Variants in IFT140 observed in about 807,000 individuals in gnomAD.
IFT140 encodes the protein intraflagellar transport protein 140 homolog.
IFT140 carries 133 observed loss-of-function variants against 164.6 expected under a neutral mutation model. That is an observed-to-expected ratio of 0.81 (90% CI 0.70 to 0.93). The LOEUF (loss-of-function observed/expected upper bound fraction) is 0.93. IFT140 is among the 40% of genes least tolerant of loss of function. The pLI, the probability that IFT140 is intolerant of heterozygous loss-of-function variation, is 0.00. For synonymous variants in IFT140, 860 were observed against 817.3 expected (o/e 1.05, Z -0.89); for missense variants, 2,045 against 1,972.3 (o/e 1.04, Z -0.70).
chr16:1,555,734 C>A (rs905380098), intron 19 of IFT140, among the ~76,000 whole-genome samples: 1 of 152,150 alleles, frequency 6.6e-6, no homozygotes, highest in African/African-American at 2.4e-5. Flanking sequence ...TCAACCAAGT[C>A]TCAGAAGCCC....
At chr16:1,540,354 A>G (rs2141278249) in intron 19 of IFT140, among the ~76,000 whole-genome samples, 1 of 152,278 alleles carries the variant, frequency 6.6e-6, no homozygotes, top group South Asian at 2.1e-4. Flanking sequence ...CCACGTAAAC[A>G]CTCACGAAGT....
At chr16:1,549,638 G>T (rs1278880410) in intron 19 of IFT140, among the ~76,000 whole-genome samples, 1 of 151,998 alleles carries the variant, frequency 6.6e-6, no homozygotes, top group African/African-American at 2.4e-5. Context: ...CCCCATGTTG[G>T]CCAGGCTGGT....
At chr16:1,537,956 G>A (rs1024850858) in intron 19 of IFT140, among the ~76,000 whole-genome samples, 2 of 152,188 alleles carry the variant, frequency 1.3e-5, no homozygotes, top group Non-Finnish European at 1.5e-5. Context: ...CCCCCTGCTC[G>A]GCCAGGACCC....
At chr16:1,597,239 G>C (rs1032752815) in intron 4 of IFT140, among the ~76,000 whole-genome samples, 2 of 152,182 alleles carry the variant, frequency 1.3e-5, no homozygotes, top group Non-Finnish European at 1.5e-5. Context: ...CGTCTAACGT[G>C]CTCTCCTCTT....
intron 2 of IFT140, among the ~76,000 whole-genome samples, chr16:1,609,451 C>T (rs1039562674): frequency 6.6e-6 from 1 of 152,186 alleles, no homozygotes; most frequent in East Asian, 1.9e-4. Flanking sequence ...TGCGCTTCTC[C>T]GTGGCTGCAT....
intron 22 of IFT140, 140 bp from the exon 23 acceptor site, chr16:1,525,056 G>T: frequency 7.5e-7 from 1 of 1,339,730 alleles, no homozygotes; most frequent in Non-Finnish European, 1.0e-6. Context: ...AGGACCCCTG[G>T]CTTTGTCCAA....
At chr16:1,539,868 G>A (rs778221008) in intron 19 of IFT140, among the ~76,000 whole-genome samples, 5 of 152,276 alleles carry the variant, frequency 3.3e-5, no homozygotes, top group African/African-American at 9.6e-5. Context: ...CGGGGACCCC[G>A]TGCCCCAGGG....
intron 13 of IFT140, among the ~76,000 whole-genome samples, chr16:1,578,610 G>T (rs2034394827): frequency 6.6e-6 from 1 of 151,850 alleles, no homozygotes; most frequent in African/African-American, 2.4e-5. Context: ...GGCCGGGCGT[G>T]GTGGCTCACG....
intron 8 of IFT140, 72 bp from the exon 9 acceptor site, chr16:1,587,376 C>T (rs961208133): frequency 3.2e-5 from 29 of 920,176 alleles, no homozygotes; most frequent in Admixed American, 5.6e-5. Flanking sequence ...GTTTTTGAAC[C>T]TGTGGAGCAA....
intron 14 of IFT140, among the ~76,000 whole-genome samples, chr16:1,570,504 A>G (rs1244324968): frequency 1.3e-5 from 2 of 152,008 alleles, no homozygotes; most frequent in African/African-American, 2.4e-5. Flanking sequence ...CAGCTGTCCA[A>G]TTCCAGTGCA....
At chr16:1,516,695 G>A (rs543707050) in intron 30 of IFT140, among the ~76,000 whole-genome samples, 9 of 150,708 alleles carry the variant, frequency 6.0e-5, no homozygotes, top group Non-Finnish European at 7.4e-5. Context: ...GCGTGAACCC[G>A]GGAGGCAGAG....
chr16:1,595,312 TAAATA>T (rs2141955403), intron 4 of IFT140, among the ~76,000 whole-genome samples: 1 of 145,986 alleles, frequency 6.8e-6, no homozygotes, highest in East Asian at 2.0e-4. Flanking sequence ...AACAAACAAA[TAAATA>T]AAATAAAGGA....
chr16:1,595,722 A>T (rs988937834), intron 4 of IFT140, among the ~76,000 whole-genome samples: 6 of 152,166 alleles, frequency 3.9e-5, no homozygotes, highest in African/African-American at 1.4e-4. Flanking sequence ...TTATCATATG[A>T]TTCTTGACTC....
At chr16:1,518,024 G>GA in intron 30 of IFT140, 192 bp downstream of exon 30, 1 of 520,240 alleles carries the variant, frequency 1.9e-6, no homozygotes, top group Non-Finnish European at 3.4e-6. Context: ...TTTTTGTAGA[G>GA]ATGGGGTTTC....
At chr16:1,606,973 TAC>T (rs1190361110) in intron 3 of IFT140, 145 bp downstream of exon 3, 7 of 782,146 alleles carry the variant, frequency 8.9e-6, no homozygotes, top group Non-Finnish European at 1.5e-5. Context: ...CACACACCAA[TAC>T]ACATACACGC....
At chr16:1,607,014 A>C in intron 3 of IFT140, 106 bp downstream of exon 3, 2 of 1,105,596 alleles carry the variant, frequency 1.8e-6, no homozygotes, top group East Asian at 2.4e-5. Context: ...ACACACACAC[A>C]CCCATAGGCA....
chr16:1,557,848 C>G (rs983390633), intron 19 of IFT140, 87 bp downstream of exon 19: 1 of 1,311,990 alleles, frequency 7.6e-7, no homozygotes, highest in African/African-American at 1.5e-5. Flanking sequence ...AATATTTCAA[C>G]AGGCGAACCA....
At chr16:1,580,233 G>A (rs1233301674) in intron 13 of IFT140, 1 of 152,722 alleles carries the variant, frequency 6.5e-6, no homozygotes, top group Non-Finnish European at 1.5e-5. Flanking sequence ...AGCTGTCCTA[G>A]GATTCATTTT....
At chr16:1,522,228 G>C (rs1276934543) in intron 26 of IFT140, among the ~76,000 whole-genome samples, 1 of 152,120 alleles carries the variant, frequency 6.6e-6, no homozygotes, top group East Asian at 1.9e-4. Context: ...GTGGTGGTGG[G>C]CGCCTGTAGT....
Sources: allele counts gnomAD v4.1 joint callset (sites outside exome capture counted in the v4.1 genomes callset), GRCh38; gene constraint gnomAD v4.1.1; transcripts MANE v1.5; gene names NCBI Gene and HGNC (gene_info 2026-07-23, HGNC 2026-07-21).